Variants in INPP5B observed in about 807,000 individuals in gnomAD.
INPP5B encodes the protein inositol polyphosphate-5-phosphatase B.
In INPP5B, 90 loss-of-function variants were observed where a neutral mutation model predicts 118.5. That is an observed-to-expected ratio of 0.76 (90% CI 0.64 to 0.90). The LOEUF (loss-of-function observed/expected upper bound fraction) is 0.90, where lower values mean the gene tolerates loss of function less well. INPP5B is among the 40% of genes least tolerant of loss of function. INPP5B has a pLI of 0.00. For synonymous variants in INPP5B, 385 were observed against 418.9 expected (o/e 0.92, Z 0.99); for missense variants, 984 against 1,125.6 (o/e 0.87, Z 1.80).
At chr1:37,936,759 G>A (rs1353543656) in intron 6 of INPP5B, among the ~76,000 whole-genome samples, 1 of 147,098 alleles carries the variant, frequency 6.8e-6, no homozygotes, top group Non-Finnish European at 1.5e-5. Context: ...GTCTCGCTCT[G>A]TCACTATATG....
At chr1:37,912,740 C>A (rs988586830) in intron 7 of INPP5B, among the ~76,000 whole-genome samples, 1 of 152,104 alleles carries the variant, frequency 6.6e-6, no homozygotes, top group African/African-American at 2.4e-5. Context: ...ATACTTTTAC[C>A]CTGATGAAGT....
intron 5 of INPP5B, 67 bp downstream of exon 5, chr1:37,943,573 A>G (rs1310376183): frequency 2.8e-5 from 44 of 1,560,366 alleles, no homozygotes; most frequent in Non-Finnish European, 3.5e-5. Flanking sequence ...ACTTTACACC[A>G]TTCTTCTTTC....
chr1:37,878,443 C>T lies in INPP5B; in HGVS notation c.1542-120G>A, dbSNP rs1017780428. The T allele has an allele frequency of 1.2e-5, 18 of 1,483,954 alleles. No homozygotes were observed. In the African/African-American group the frequency reaches 1.7e-4, roughly 14 times the overall value. 91.9% of individuals were successfully genotyped at this position (1,483,954 alleles called of 1,614,324 possible). ...GGCCTTCATGTCCATGTGGCTAAGTCATCTGAGGCAGCAAGAGCAATTCGG... is the reference window on the plus strand; with the variant it reads ...GGCCTTCATGTCCATGTGGCTAAGTTATCTGAGGCAGCAAGAGCAATTCGG... On this transcript the variant is annotated intron_variant, in intron 15 of 23. Coordinates refer to ENST00000373024, the MANE Select transcript of INPP5B (RefSeq NM_005540.3).
chr1:37,896,901 G>T (rs1291383863), intron 7 of INPP5B, among the ~76,000 whole-genome samples: 3 of 128,006 alleles, frequency 2.3e-5, no homozygotes, highest in Non-Finnish European at 5.0e-5. Flanking sequence ...TCCGGGAAGT[G>T]AGGGGCGCTC....
At position 37,943,590 on chromosome 1, in the gene INPP5B, A is replaced by T. The variant is rs1404565586; in HGVS notation, c.280+50T>A. Reference sequence around the variant, plus strand: ...TTTACACCATTCTTCTTTCTCTGAAAATCAGGCACCCCTGCCCCGAGTGGG... The same window carrying T: ...TTTACACCATTCTTCTTTCTCTGAATATCAGGCACCCCTGCCCCGAGTGGG... On this transcript the variant is annotated intron_variant, in intron 5 of 23. Transcript: ENST00000373024. The T allele has an allele frequency of 3.1e-6, 5 of 1,597,640 alleles. No individual in the cohort carries two copies. The African/African-American group carries it at 6.7e-5, about 22-fold the overall frequency.
chr1:37,894,447 T>G (rs975248772), intron 7 of INPP5B, among the ~76,000 whole-genome samples: 1 of 152,150 alleles, frequency 6.6e-6, no homozygotes, highest in African/African-American at 2.4e-5. Context: ...TATGCATCAC[T>G]GTATCCCCAT....
chr1:37,935,560 C>T (rs1383982931), intron 6 of INPP5B, among the ~76,000 whole-genome samples: 1 of 151,964 alleles, frequency 6.6e-6, no homozygotes, highest in Non-Finnish European at 1.5e-5. Flanking sequence ...ATGGTGCCTT[C>T]ATTCTCATCA....
intron 7 of INPP5B, among the ~76,000 whole-genome samples, chr1:37,920,696 G>C (rs1163774717): frequency 6.6e-6 from 1 of 150,434 alleles, no homozygotes; most frequent in Non-Finnish European, 1.5e-5. Flanking sequence ...GAACAAGAGT[G>C]TAAGAGTCAG....
chr1:37,913,390 A>G (rs535724296), intron 7 of INPP5B, among the ~76,000 whole-genome samples: 20 of 152,328 alleles, frequency 1.3e-4, no homozygotes, highest in Non-Finnish European at 2.2e-4. Flanking sequence ...CAACCAATCA[A>G]ATAATTACGC....
rs1325860047 is a variant in INPP5B, at chr1:37,926,299, C to T, written c.532+5614G>A. 3.3e-5 allele frequency among the ~76,000 whole-genome samples: 5 copies of T among 149,486 alleles called. No individual in the cohort carries two copies. In the East Asian group the frequency reaches 7.8e-4, roughly 23 times the overall value. On this transcript the variant is annotated intron_variant, in intron 7 of 23. Coordinates refer to ENST00000373024, the MANE Select transcript of INPP5B (RefSeq NM_005540.3). The stretch of plus-strand genomic sequence containing the variant: ...GAGTTACTACAAAGCTGGTTCATTT[C>T]TTTTTTTTTTTGAGACGGAGTCTCA...
intron 7 of INPP5B, among the ~76,000 whole-genome samples, chr1:37,923,286 G>A (rs559193731): frequency 2.0e-5 from 3 of 152,292 alleles, no homozygotes; most frequent in East Asian, 3.9e-4. Flanking sequence ...ACAAATAGGT[G>A]AAAAAGTACA....
rs1642963969 is a variant in INPP5B at position 37,878,245 on chromosome 1, G to A, written c.1620C>T (p.Ser540=). The change falls in exon 16 of 24, where the codon AGC becomes AGT. Residue 540 remains serine (S), a synonymous_variant. Transcript: ENST00000373024. The stretch of plus-strand genomic sequence containing the variant: ...GGTCACTGGTCTTCAGGGCCATGTG[G>A]CTCTGGTAACTCAGCTGAGTGATGT... The part of the protein sequence containing the change: ...GKNITQLSYQ[S]HMALKTSDHK... 1 of 1,614,024 alleles carries A rather than the reference G, an allele frequency of 6.2e-7. No individual in the cohort carries two copies. Among genetic ancestry groups the A allele is most frequent in the African/African-American group, 1.3e-5 (1 of 74,912 alleles).
intron 16 of INPP5B, among the ~76,000 whole-genome samples, chr1:37,877,553 G>A (rs1250850154): frequency 1.3e-5 from 2 of 152,114 alleles, no homozygotes; most frequent in East Asian, 3.8e-4. Flanking sequence ...GGGTAATTTA[G>A]CAAGATCTAA....
At chr1:37,898,047 A>G (rs557587895) in intron 7 of INPP5B, among the ~76,000 whole-genome samples, 5 of 152,370 alleles carry the variant, frequency 3.3e-5, no homozygotes, top group African/African-American at 1.2e-4. Context: ...ATATTTCAAC[A>G]GATGAATAAA....
intron 7 of INPP5B, among the ~76,000 whole-genome samples, chr1:37,915,412 TATAA>T (rs1363032469): frequency 1.3e-5 from 2 of 152,252 alleles, no homozygotes; most frequent in Non-Finnish European, 2.9e-5. Context: ...AAACAAAGCC[TATAA>T]ATAGTCTCAT....
At chr1:37,931,222 A>G (rs1645444599) in intron 7 of INPP5B, 2 of 349,006 alleles carry the variant, frequency 5.7e-6, no homozygotes, top group South Asian at 2.2e-5. Flanking sequence ...CGCTATCATC[A>G]CAGGGGCTGA....
At chr1:37,918,149 C>T (rs1197374416) in intron 7 of INPP5B, among the ~76,000 whole-genome samples, 1 of 152,082 alleles carries the variant, frequency 6.6e-6, no homozygotes, top group Non-Finnish European at 1.5e-5. Flanking sequence ...AGCTGCCTTC[C>T]TCCAGGCTAC....
intron 7 of INPP5B, among the ~76,000 whole-genome samples, chr1:37,913,738 A>G (rs1045176589): frequency 6.6e-6 from 1 of 152,030 alleles, no homozygotes; most frequent in African/African-American, 2.4e-5. Flanking sequence ...CCACCCCAAC[A>G]CTTCACCACC....
At chr1:37,877,343 A>G (rs562442047) in intron 16 of INPP5B, among the ~76,000 whole-genome samples, 1 of 151,860 alleles carries the variant, frequency 6.6e-6, no homozygotes, top group Non-Finnish European at 1.5e-5. Flanking sequence ...CTCCATCTCA[A>G]CAGAAAAAAA....
Sources: allele counts gnomAD v4.1 joint callset (sites outside exome capture counted in the v4.1 genomes callset), GRCh38; gene constraint gnomAD v4.1.1; transcripts MANE v1.5; gene names NCBI Gene and HGNC (gene_info 2026-07-23, HGNC 2026-07-21).